KCNQ4: variants seen among roughly 807,000 people sequenced by gnomAD.
KCNQ4 encodes the protein potassium voltage-gated channel subfamily Q member 4.
In KCNQ4, 31 loss-of-function variants were observed where a neutral mutation model predicts 72.6. That is an observed-to-expected ratio of 0.43 (90% CI 0.32 to 0.58). KCNQ4 has a LOEUF of 0.58. Ranked by LOEUF, KCNQ4 falls within the 20% of genes least tolerant of loss-of-function variation. KCNQ4 has a pLI of 0.08. For missense variants in KCNQ4, 869 were observed against 962.6 expected (o/e 0.90, Z 1.29); for synonymous variants, 405 against 403.7 (o/e 1.00, Z -0.04).
At chr1:40,834,927 C>T (rs1346421412) in intron 11 of KCNQ4, 40 bp from the exon 12 acceptor site, 1 of 1,609,984 alleles carries the variant, frequency 6.2e-7, no homozygotes, top group Non-Finnish European at 8.5e-7. Flanking sequence ...AGAATCCCTG[C>T]TCTAACAGGA....
intron 1 of KCNQ4, among the ~76,000 whole-genome samples, chr1:40,811,425 A>G (rs1370588308): frequency 1.3e-5 from 2 of 152,200 alleles, no homozygotes; most frequent in African/African-American, 4.8e-5. Context: ...TAACAGCAGC[A>G]ATAGTATCAC....
In KCNQ4 at chr1:40,802,539, T is replaced by TGCCCCGCCCATTTCCGTAA. The variant is rs1647614503; in HGVS notation, c.315-14716_315-14698dup. On this transcript the variant is annotated intron_variant, in intron 1 of 13. Transcript: ENST00000347132. The stretch of plus-strand genomic sequence containing the variant: ...CGCCCACCATTCCCCGCCCCCGGCA[T>TGCCCCGCCCATTTCCGTAA]GCCCCGCCCATTTCCGTAAGCCCCG... Among the ~76,000 whole-genome samples the TGCCCCGCCCATTTCCGTAA allele has an allele frequency of 4.0e-5, 6 of 150,968 alleles. No individual in the cohort carries two copies. In the South Asian group the frequency reaches 1.3e-3, roughly 32 times the overall value.
intron 1 of KCNQ4, among the ~76,000 whole-genome samples, chr1:40,800,297 C>T (rs1333618808): frequency 1.3e-5 from 2 of 152,170 alleles, no homozygotes; most frequent in Non-Finnish European, 2.9e-5. Context: ...AAGGGGCTGG[C>T]TGTCCCTTCC....
In KCNQ4 at chr1:40,838,740, G is replaced by GGGC; in HGVS notation, c.*218_*220dup. On this transcript the variant is annotated 3_prime_UTR_variant, in exon 14 of 14. Coordinates refer to ENST00000347132, the MANE Select transcript of KCNQ4 (RefSeq NM_004700.4). ...AGCGTGAGATGCCAGGTCGCACAGA[G>GGGC]GGCAGCAGCAGCGGCCGTCCCGCGG... The GGGC allele has an allele frequency of 1.6e-6, 1 of 612,172 alleles. No individual in the cohort carries two copies. Among genetic ancestry groups the GGGC allele is most frequent in the Non-Finnish European group, 2.9e-6 (1 of 341,726 alleles). 37.9% of individuals were successfully genotyped at this position (612,172 alleles called of 1,614,324 possible). A position where few individuals can be genotyped will look rare whatever the true frequency, so the allele number is the denominator to read the frequency against.
chr1:40,786,116 ACTT>A (rs1647200107), intron 1 of KCNQ4, among the ~76,000 whole-genome samples: 1 of 152,044 alleles, frequency 6.6e-6, no homozygotes, highest in African/African-American at 2.4e-5. Flanking sequence ...GATGGGGACT[ACTT>A]CTTAGGAGTG....
intron 1 of KCNQ4, among the ~76,000 whole-genome samples, chr1:40,813,808 C>A (rs1004318767): frequency 6.6e-6 from 1 of 151,734 alleles, no homozygotes; most frequent in Non-Finnish European, 1.5e-5. Context: ...AGTGCAGTGG[C>A]GCAATCTTGG....
intron 11 of KCNQ4, among the ~76,000 whole-genome samples, chr1:40,833,432 G>A (rs1008265800): frequency 1.3e-5 from 2 of 151,982 alleles, no homozygotes; most frequent in African/African-American, 4.8e-5. Context: ...TATTTTTTAT[G>A]GTGGGTCTTG....
At chr1:40,802,869 T>G (rs1647627119) in intron 1 of KCNQ4, among the ~76,000 whole-genome samples, 1 of 152,304 alleles carries the variant, frequency 6.6e-6, no homozygotes, top group South Asian at 2.1e-4. Context: ...AACTGAGTCC[T>G]GAGAGGGACA....
intron 1 of KCNQ4, among the ~76,000 whole-genome samples, chr1:40,806,189 G>A (rs1390889631): frequency 1.3e-5 from 2 of 152,156 alleles, no homozygotes; most frequent in East Asian, 1.9e-4. Flanking sequence ...TGAGCCACCC[G>A]AATCTGCACG....
At position 40,839,108 on chromosome 1, in the gene KCNQ4, G is replaced by T. The variant is rs915087507; in HGVS notation, c.*585G>T. 6.2e-6 allele frequency: 1 copy of T among 160,974 alleles called. No individual in the cohort carries two copies. The highest frequency in any genetic ancestry group is 5.7e-5 in the Admixed American group (1 of 17,452). 10.0% of individuals were successfully genotyped at this position (160,974 alleles called of 1,614,324 possible). A position where few individuals can be genotyped will look rare whatever the true frequency, so the allele number is the denominator to read the frequency against. On this transcript the variant is annotated 3_prime_UTR_variant, in exon 14 of 14. Coordinates refer to ENST00000347132, the MANE Select transcript of KCNQ4 (RefSeq NM_004700.4). ...TCTGTCCCTCCCCCATTGGGAGCTG[G>T]GCCCCCAGCAGTAGCTGGTCTCAGG...
chr1:40,831,666 A>T (rs1553168321), intron 10 of KCNQ4, among the ~76,000 whole-genome samples: 1 of 152,188 alleles, frequency 6.6e-6, no homozygotes, highest in Non-Finnish European at 1.5e-5. Flanking sequence ...AATAGCATCC[A>T]CTTCCTAGGA....
intron 9 of KCNQ4, among the ~76,000 whole-genome samples, chr1:40,829,860 G>C (rs1385170274): frequency 6.6e-6 from 1 of 152,178 alleles, no homozygotes; most frequent in South Asian, 2.1e-4. Context: ...ATGGGATGGA[G>C]GACATTTGCA....
At chr1:40,832,938 T>G in intron 10 of KCNQ4, 76 bp from the exon 11 acceptor site, 1 of 1,039,654 alleles carries the variant, frequency 9.6e-7, no homozygotes, top group South Asian at 1.3e-5. Flanking sequence ...TACTGGTGGT[T>G]TGGCATACAA....
intron 12 of KCNQ4, among the ~76,000 whole-genome samples, chr1:40,836,796 T>C (rs1316324861): frequency 2.6e-5 from 4 of 152,238 alleles, no homozygotes; most frequent in Middle Eastern, 3.4e-3. Flanking sequence ...CAGGAGTTGA[T>C]CAATGGATTT....
chr1:40,793,004 C>CTTTTT (rs10549805), intron 1 of KCNQ4, among the ~76,000 whole-genome samples: 51 of 109,048 alleles, frequency 4.7e-4, no homozygotes, highest in Middle Eastern at 5.4e-3. Context: ...TTCTTTCTTT[C>CTTTTT]TTTTTTTTTT....
Position 40,838,761 on chromosome 1 carries a change from C to T in KCNQ4, c.*238C>T, listed in dbSNP as rs2281966. 6.9e-3 allele frequency: 4,085 copies of T among 590,976 alleles called. 184 individuals are homozygous for T. In the East Asian group the frequency reaches 0.097, roughly 14 times the overall value. 36.6% of individuals were successfully genotyped at this position (590,976 alleles called of 1,614,324 possible). On this transcript the variant is annotated 3_prime_UTR_variant, in exon 14 of 14. Coordinates refer to ENST00000347132, the MANE Select transcript of KCNQ4 (RefSeq NM_004700.4). ...CAGAGGGCAGCAGCAGCGGCCGTCC[C>T]GCGGCCTCTGGGCCCCCCAGTGCCC...
chr1:40,819,216 G>A, intron 4 of KCNQ4, 131 bp from the exon 5 acceptor site: 1 of 1,091,850 alleles, frequency 9.2e-7, no homozygotes, highest in Non-Finnish European at 1.3e-6. Flanking sequence ...GTGATGGGAG[G>A]AGCTGAGAAA....
rs912504020 is a variant in KCNQ4 at position 40,834,395 on chromosome 1, C to T, written c.1614-572C>T. ...CCCCTAAAGCTAGTTTCCCTGCCCA[C>T]GCCTCTGCCCCTCCAGGGTATTCTC... On this transcript the variant is annotated intron_variant, in intron 11 of 13. Transcript: ENST00000347132. Among the ~76,000 whole-genome samples the T allele has an allele frequency of 4.6e-5, 7 of 152,068 alleles. No individual in the cohort carries two copies. The East Asian group carries it at 7.7e-4, about 17-fold the overall frequency.
At chr1:40,810,983 A>G (rs371706650) in intron 1 of KCNQ4, among the ~76,000 whole-genome samples, 1 of 152,226 alleles carries the variant, frequency 6.6e-6, no homozygotes, top group African/African-American at 2.4e-5. Context: ...CACATACAGT[A>G]AAATTCCTCC....
Sources: gnomAD v4.1 joint callset for allele counts (sites outside exome capture counted in the v4.1 genomes callset) on GRCh38, gnomAD v4.1.1 for gene constraint, MANE v1.5 for transcripts, NCBI Gene and HGNC (gene_info 2026-07-23, HGNC 2026-07-21) for gene names.